The following WWP2 variants were observed in gnomAD, a reference collection of about 807,000 sequenced individuals.
WWP2 encodes the protein NEDD4-like E3 ubiquitin-protein ligase WWP2.
WWP2 carries 57 observed loss-of-function variants against 121.0 expected under a neutral mutation model. The observed-to-expected ratio is 0.47, with a 90% CI of 0.38 to 0.59. WWP2 has a LOEUF of 0.59. Ranked by LOEUF, WWP2 falls within the 20% of genes least tolerant of loss-of-function variation. The pLI, the probability that WWP2 is intolerant of heterozygous loss-of-function variation, is 0.00. For synonymous variants in WWP2, 449 were observed against 441.3 expected (o/e 1.02, Z -0.22); for missense variants, 962 against 1,158.9 (o/e 0.83, Z 2.47).
chr16:69,788,755 T>A (rs2055844698), intron 2 of WWP2, among the ~76,000 whole-genome samples: 1 of 152,144 alleles, frequency 6.6e-6, no homozygotes, highest in Non-Finnish European at 1.5e-5. Flanking sequence ...GAGTGTAAGA[T>A]CCACAGTAAG....
At chr16:69,900,516 G>A (rs1292171971) in intron 8 of WWP2, among the ~76,000 whole-genome samples, 1 of 149,888 alleles carries the variant, frequency 6.7e-6, no homozygotes, top group Non-Finnish European at 1.5e-5. Flanking sequence ...ATATTTTAAT[G>A]TTGCCAACTT....
intron 7 of WWP2, among the ~76,000 whole-genome samples, chr16:69,875,406 G>A (rs1217690465): frequency 2.0e-5 from 3 of 152,240 alleles, no homozygotes; most frequent in Non-Finnish European, 2.9e-5. Flanking sequence ...CAGGGTGGCT[G>A]TGGCAATTTC....
chr16:69,880,303 T>G (rs769434121), intron 7 of WWP2, among the ~76,000 whole-genome samples: 5 of 152,152 alleles, frequency 3.3e-5, no homozygotes, highest in Admixed American at 1.3e-4. Context: ...ACTTTTAACA[T>G]TCTTACATAC....
intron 2 of WWP2, among the ~76,000 whole-genome samples, chr16:69,795,081 A>G (rs1043071284): frequency 6.6e-6 from 1 of 152,102 alleles, no homozygotes; most frequent in African/African-American, 2.4e-5. Context: ...AAAAAAAATT[A>G]AAAAGTTAGC....
intron 8 of WWP2, among the ~76,000 whole-genome samples, chr16:69,900,292 G>A (rs9940805): frequency 0.037 from 5,665 of 152,138 alleles, 296 homozygotes; most frequent in African/African-American, 0.12. Context: ...GATAGTAACT[G>A]TCCCTATACT....
At chr16:69,843,569 A>C in intron 6 of WWP2, among the ~76,000 whole-genome samples, 1 of 152,118 alleles carries the variant, frequency 6.6e-6, no homozygotes, top group Non-Finnish European at 1.5e-5. Context: ...ACTGGCAGTA[A>C]AATCTTCCCA....
intron 2 of WWP2, 28 bp from the exon 3 acceptor site, chr16:69,798,654 T>C: frequency 1.2e-6 from 2 of 1,608,862 alleles, no homozygotes; most frequent in African/African-American, 1.3e-5. Context: ...GGGACTCATC[T>C]TTGACTTTTT....
chr16:69,793,640 AC>A (rs1438013868), intron 2 of WWP2, among the ~76,000 whole-genome samples: 3 of 152,048 alleles, frequency 2.0e-5, no homozygotes, highest in African/African-American at 7.2e-5. Context: ...GAGTCAAGTC[AC>A]GGGCCCAGGC....
chr16:69,923,320 TG>T (rs1555504308), intron 10 of WWP2, among the ~76,000 whole-genome samples: 9 of 33,624 alleles, frequency 2.7e-4, no homozygotes, highest in South Asian at 1.2e-3. Context: ...GTTGGGGGGG[TG>T]GGGGGGGTGC....
chr16:69,922,341 T>C (rs2058575905), intron 10 of WWP2, among the ~76,000 whole-genome samples: 1 of 152,240 alleles, frequency 6.6e-6, no homozygotes, highest in South Asian at 2.1e-4. Context: ...AGACATTCTT[T>C]ATTTCTGAGT....
chr16:69,864,082 G>C (rs1371630810), intron 6 of WWP2, among the ~76,000 whole-genome samples: 1 of 152,132 alleles, frequency 6.6e-6, no homozygotes, highest in East Asian at 1.9e-4. Flanking sequence ...ACCTAGGAGA[G>C]GCCAGGTGTG....
At chr16:69,888,799 G>A (rs1389432527) in intron 8 of WWP2, among the ~76,000 whole-genome samples, 1 of 152,028 alleles carries the variant, frequency 6.6e-6, no homozygotes, top group African/African-American at 2.4e-5. Flanking sequence ...CTGCCTCCTG[G>A]GTTCAAGTGA....
chr16:69,822,045 T>G (rs2056602907), intron 4 of WWP2, among the ~76,000 whole-genome samples: 1 of 152,080 alleles, frequency 6.6e-6, no homozygotes, highest in Non-Finnish European at 1.5e-5. Context: ...TTTTGTATTT[T>G]TTGTAGAGAC....
chr16:69,868,372 AG>A (rs1245641527), intron 6 of WWP2, among the ~76,000 whole-genome samples: 1 of 152,032 alleles, frequency 6.6e-6, no homozygotes, highest in East Asian at 1.9e-4. Flanking sequence ...CTGGGAAGGG[AG>A]GGCAGGGCCA....
chr16:69,882,307 A>G (rs2057845348), intron 7 of WWP2, among the ~76,000 whole-genome samples: 1 of 152,166 alleles, frequency 6.6e-6, no homozygotes, highest in Non-Finnish European at 1.5e-5. Flanking sequence ...AGGTGGTTTT[A>G]TTTCAAATAT....
chr16:69,840,320 G>A, intron 5 of WWP2, 57 bp downstream of exon 5: 2 of 1,604,600 alleles, frequency 1.2e-6, no homozygotes, highest in East Asian at 2.2e-5. Context: ...CTGGGCGGGG[G>A]CCAGGAGGTG....
intron 6 of WWP2, among the ~76,000 whole-genome samples, chr16:69,843,159 G>A (rs1467820063): frequency 6.6e-6 from 1 of 152,122 alleles, no homozygotes; most frequent in Admixed American, 6.6e-5. Context: ...ACATAGAAAT[G>A]CTTAGAGCAA....
intron 9 of WWP2, 45 bp from the exon 10 acceptor site, chr16:69,917,664 G>A: frequency 6.3e-7 from 1 of 1,586,646 alleles, no homozygotes; most frequent in East Asian, 2.3e-5. Context: ...TTGGGGGATG[G>A]GAGTGGGGTG....
At chr16:69,851,305 A>G (rs1042739005) in intron 6 of WWP2, among the ~76,000 whole-genome samples, 1 of 151,980 alleles carries the variant, frequency 6.6e-6, no homozygotes, top group Admixed American at 6.6e-5. Flanking sequence ...TCTGTCATAC[A>G]GAGTAGTTTC....
Sources: gnomAD v4.1 joint callset for allele counts (sites outside exome capture counted in the v4.1 genomes callset) on GRCh38, gnomAD v4.1.1 for gene constraint, MANE v1.5 for transcripts, NCBI Gene and HGNC (gene_info 2026-07-23, HGNC 2026-07-21) for gene names.